Variants in ROBO2 observed in about 807,000 individuals in gnomAD.
ROBO2 encodes the protein roundabout guidance receptor 2, also known as roundabout homolog 2.
ROBO2 carries 53 observed loss-of-function variants against 160.8 expected under a neutral mutation model. The observed-to-expected ratio is 0.33, with a 90% CI of 0.26 to 0.41. The LOEUF is 0.41. Ranked by LOEUF, ROBO2 falls within the 10% of genes least tolerant of loss-of-function variation. ROBO2 has a pLI of 1.00. For synonymous variants in ROBO2, 664 were observed against 611.7 expected, an observed-to-expected ratio of 1.09 and a Z score of -1.26; for missense variants, 1,577 against 1,722.4, an observed-to-expected ratio of 0.92 and a Z score of 1.49.
At position 76,746,018 on chromosome 3, in the gene ROBO2, G is replaced by A. The variant is rs536761076; in HGVS notation, c.110-351996G>A. 6.4e-3 allele frequency among the ~76,000 whole-genome samples: 820 copies of A among 127,326 alleles called. 12 individuals are homozygous for A. Among genetic ancestry groups the A allele is most frequent in the African/African-American group, 0.024 (773 of 32,192 alleles). The allele number at this position is 127,326 out of a possible 152,430, so 83.5% of individuals were successfully genotyped here. A position where few individuals can be genotyped will look rare whatever the true frequency, so the allele number is the denominator to read the frequency against. ...CCCAAAACAGTCCCCAGAGTGTGAT[G>A]TTCCCCTTCCTGTGTCCATGTGTTC... On this transcript the variant is annotated intron_variant, in intron 2 of 26. Coordinates refer to the ROBO2 transcript ENST00000487694.
At chr3:76,281,615 C>A (rs1708236652) in intron 2 of ROBO2, among the ~76,000 whole-genome samples, 1 of 131,714 alleles carries the variant, frequency 7.6e-6, no homozygotes, top group South Asian at 2.7e-4. Context: ...ACTTTTCTTA[C>A]ATCACTTCCC....
chr3:76,155,988 A>C (rs1428042457), intron 2 of ROBO2, among the ~76,000 whole-genome samples: 1 of 151,626 alleles, frequency 6.6e-6, no homozygotes, highest in Non-Finnish European at 1.5e-5. Flanking sequence ...CAAAAGACAT[A>C]TTGATTTTAC....
chr3:77,004,686 G>T (rs564016861), intron 2 of ROBO2, among the ~76,000 whole-genome samples: 6 of 152,084 alleles, frequency 3.9e-5, no homozygotes, highest in Non-Finnish European at 8.8e-5. Flanking sequence ...TACAGCATAG[G>T]CATTTCGCTT....
chr3:77,234,289 T>C (rs1449408944), intron 2 of ROBO2, among the ~76,000 whole-genome samples: 1 of 152,154 alleles, frequency 6.6e-6, no homozygotes, highest in African/African-American at 2.4e-5. Flanking sequence ...TGTGACATCA[T>C]TACCATCTCA....
chr3:77,527,518 T>G, intron 6 of ROBO2, 104 bp downstream of exon 7: 2 of 874,212 alleles, frequency 2.3e-6, no homozygotes, highest in Non-Finnish European at 3.1e-6. Context: ...TTTACCCATG[T>G]TAAAATAATA....
intron 2 of ROBO2, among the ~76,000 whole-genome samples, chr3:76,715,647 AC>A (rs1474260732): frequency 6.6e-6 from 1 of 152,180 alleles, no homozygotes; most frequent in Non-Finnish European, 1.5e-5. Flanking sequence ...ATTGCAATAA[AC>A]TACTAAAGGT....
intron 2 of ROBO2, among the ~76,000 whole-genome samples, chr3:75,981,741 C>T (rs951556776): frequency 2.6e-4 from 40 of 151,126 alleles, no homozygotes; most frequent in African/African-American, 9.4e-4. Context: ...GTATCCATTC[C>T]CTAAGCACTT....
chr3:76,873,896 A>G (rs2072414353), intron 2 of ROBO2, among the ~76,000 whole-genome samples: 1 of 152,200 alleles, frequency 6.6e-6, no homozygotes, highest in South Asian at 2.1e-4. Flanking sequence ...TACCACCCAG[A>G]AAGACAAGGC....
chr3:77,641,757 T>C (rs2095354173), intron 24 of ROBO2, among the ~76,000 whole-genome samples: 1 of 152,048 alleles, frequency 6.6e-6, no homozygotes, highest in Non-Finnish European at 1.5e-5. Flanking sequence ...TCAGAACTAA[T>C]ACATACTTAA....
intron 2 of ROBO2, among the ~76,000 whole-genome samples, chr3:77,134,209 G>C (rs2076090826): frequency 6.6e-6 from 1 of 151,950 alleles, no homozygotes; most frequent in Admixed American, 6.6e-5. Flanking sequence ...TAAAAACAAG[G>C]CTAGGTGATC....
At chr3:76,739,203 C>G (rs921446334) in intron 2 of ROBO2, among the ~76,000 whole-genome samples, 1 of 152,062 alleles carries the variant, frequency 6.6e-6, no homozygotes, top group Non-Finnish European at 1.5e-5. Context: ...CGGCACTATT[C>G]ACGATAGCAA....
intron 2 of ROBO2, among the ~76,000 whole-genome samples, chr3:76,098,559 T>C: frequency 9.8e-6 from 1 of 102,138 alleles, no homozygotes; most frequent in African/African-American, 3.4e-5. Context: ...AAAAGATAAA[T>C]CAAATAAATA....
chr3:77,490,841 C>G (rs968465862), intron 4 of ROBO2, among the ~76,000 whole-genome samples: 1 of 152,154 alleles, frequency 6.6e-6, no homozygotes, highest in African/African-American at 2.4e-5. Flanking sequence ...CTTGTCTGTC[C>G]CCTTTTCGAC....
At chr3:77,528,472 G>C (rs2091376352) in intron 6 of ROBO2, among the ~76,000 whole-genome samples, 2 of 151,754 alleles carry the variant, frequency 1.3e-5, no homozygotes, top group Admixed American at 6.6e-5. Context: ...TTGCTAGACA[G>C]TATGTTTTTA....
rs78337434 is a variant in ROBO2 at position 76,584,721 on chromosome 3, A to G, written c.110-513293A>G. On this transcript the variant is annotated intron_variant, in intron 2 of 26. Transcript: ENST00000487694. ...TGTTATGGCAGTCTTAAAAACCAAG[A>G]TAACTCCCAATTTTACCACTGCCAT... Among the ~76,000 whole-genome samples the G allele has an allele frequency of 3.0e-3, 453 of 152,230 alleles. 2 individuals are homozygous for G. Among genetic ancestry groups the G allele is most frequent in the African/African-American group, 0.011 (445 of 41,536 alleles).
intron 24 of ROBO2, 94 bp downstream of exon 25, chr3:77,635,137 A>C (rs907868545): frequency 1.5e-6 from 2 of 1,377,874 alleles, no homozygotes; most frequent in African/African-American, 2.9e-5. Context: ...TAGATTAGCC[A>C]TTGCTTCATT....
chr3:76,574,035 T>C (rs900147199), intron 2 of ROBO2, among the ~76,000 whole-genome samples: 1 of 152,146 alleles, frequency 6.6e-6, no homozygotes, highest in African/African-American at 2.4e-5. Context: ...TTAACTCCCC[T>C]GATGAACTAG....
At chr3:77,422,176 C>T (rs1442453792) in intron 2 of ROBO2, among the ~76,000 whole-genome samples, 2 of 152,140 alleles carry the variant, frequency 1.3e-5, no homozygotes, top group Non-Finnish European at 2.9e-5. Flanking sequence ...GCACAAGCAT[C>T]CCACTCGGTT....
intron 2 of ROBO2, among the ~76,000 whole-genome samples, chr3:76,821,214 G>T (rs2066093733): frequency 6.6e-6 from 1 of 151,890 alleles, no homozygotes; most frequent in Admixed American, 6.6e-5. Context: ...TTGCATGTGG[G>T]ACAGAATATA....
Sources: allele counts gnomAD v4.1 joint callset (sites outside exome capture counted in the v4.1 genomes callset), GRCh38; gene constraint gnomAD v4.1.1; transcripts MANE v1.5; gene names NCBI Gene and HGNC (gene_info 2026-07-23, HGNC 2026-07-21).